FARS2: variants seen among roughly 807,000 people sequenced by gnomAD.
FARS2 encodes phenylalanyl-tRNA synthetase 2, mitochondrial, also known as phenylalanine--tRNA ligase, mitochondrial.
A neutral mutation model predicts 46.4 loss-of-function variants in FARS2; 40 were observed. The observed-to-expected ratio is 0.86, with a 90% confidence interval of 0.67 to 1.12. The LOEUF is 1.12. FARS2 is among the 50% of genes most tolerant of loss of function. The pLI is 0.00. For missense variants in FARS2, 513 were observed against 567.9 expected (o/e 0.90, Z 0.98); for synonymous variants, 234 against 214.9 (o/e 1.09, Z -0.78).
chr6:5,766,261 A>G (rs996322445), intron 6 of FARS2, among the ~76,000 whole-genome samples: 5 of 152,128 alleles, frequency 3.3e-5, no homozygotes, highest in Non-Finnish European at 4.4e-5. Context: ...TTGGGGGAGG[A>G]CAGTAGCAAC....
chr6:5,264,495 C>CT (rs776344380), intron 1 of FARS2, among the ~76,000 whole-genome samples: 226 of 139,012 alleles, frequency 1.6e-3, no homozygotes, highest in East Asian at 7.7e-3. Context: ...TTTCTTTTTT[C>CT]TTTTTTTTTT....
chr6:5,503,373 AACACACACAC>A (rs72295741), intron 4 of FARS2, among the ~76,000 whole-genome samples: 2 of 136,318 alleles, frequency 1.5e-5, no homozygotes, highest in East Asian at 2.3e-4. Flanking sequence ...AGGTATTCTT[AACACACACAC>A]ACACACACAC....
intron 1 of FARS2, among the ~76,000 whole-genome samples, chr6:5,312,166 C>T (rs1769122575): frequency 6.6e-6 from 1 of 152,184 alleles, no homozygotes; most frequent in Non-Finnish European, 1.5e-5. Flanking sequence ...ATGAATTAAG[C>T]TGCAGTCCTT....
chr6:5,719,249 G>A (rs1042104262), intron 6 of FARS2, among the ~76,000 whole-genome samples: 11 of 151,946 alleles, frequency 7.2e-5, no homozygotes, highest in African/African-American at 2.4e-4. Flanking sequence ...TGGGTCTGGA[G>A]GCACACACCT....
intron 5 of FARS2, among the ~76,000 whole-genome samples, chr6:5,549,753 G>A (rs1771261274): frequency 6.6e-6 from 1 of 152,152 alleles, no homozygotes. Context: ...CTAGGTTACA[G>A]GGATTAGGAC....
intron 6 of FARS2, among the ~76,000 whole-genome samples, chr6:5,741,373 C>T (rs1019996186): frequency 5.9e-5 from 9 of 152,122 alleles, no homozygotes; most frequent in African/African-American, 1.9e-4. Context: ...CCTATGATGC[C>T]GTGTCTTTCC....
chr6:5,689,376 C>T (rs1452550642), intron 6 of FARS2, among the ~76,000 whole-genome samples: 9 of 152,070 alleles, frequency 5.9e-5, no homozygotes, highest in East Asian at 3.9e-4. Context: ...TTGAATGCGT[C>T]CCAGAGATTC....
At position 5,484,829 on chromosome 6, in the gene FARS2, TC is replaced by T. The variant is rs1351458523; in HGVS notation, c.904+53659del. On this transcript the variant is annotated intron_variant, in intron 4 of 6. Coordinates refer to ENST00000274680, the MANE Select transcript of FARS2 (RefSeq NM_006567.5). ...CTCTGTTGTTGCTGAGAGAATGGTATCCTTAGTGCGTGCAGCTGAAGGCCAG... is the reference window on the plus strand; with the variant it reads ...CTCTGTTGTTGCTGAGAGAATGGTATCTTAGTGCGTGCAGCTGAAGGCCAG... Among the ~76,000 whole-genome samples the T allele has an allele frequency of 3.9e-5, 6 of 152,286 alleles. No homozygotes were observed. In the East Asian group the frequency reaches 1.2e-3, roughly 29 times the overall value.
rs1433179139 is a variant in FARS2 at position 5,743,133 on chromosome 6, G to A, written c.1218-28158G>A. 3.9e-5 allele frequency among the ~76,000 whole-genome samples: 6 copies of A among 152,174 alleles called. No individual in the cohort carries two copies. The South Asian group carries it at 8.3e-4, about 21-fold the overall frequency. On this transcript the variant is annotated intron_variant, in intron 6 of 6. Coordinates refer to ENST00000274680, the MANE Select transcript of FARS2 (RefSeq NM_006567.5). ...TGAATTTTGAAAATCCCTCCCGGCT[G>A]TCATCTCAAGCTCTCTTGGGAACCT... is the stretch of plus-strand genomic sequence containing the variant.
intron 6 of FARS2, among the ~76,000 whole-genome samples, chr6:5,660,979 T>G (rs967370165): frequency 2.0e-5 from 3 of 152,240 alleles, no homozygotes; most frequent in African/African-American, 7.2e-5. Flanking sequence ...TTCAAAAACA[T>G]GACTCTGGCT....
At chr6:5,568,834 C>G (rs905081604) in intron 5 of FARS2, among the ~76,000 whole-genome samples, 3 of 152,130 alleles carry the variant, frequency 2.0e-5, no homozygotes, top group Non-Finnish European at 4.4e-5. Context: ...GGAGCCCACT[C>G]GAGGCCCGGC....
intron 5 of FARS2, among the ~76,000 whole-genome samples, chr6:5,591,061 A>G (rs916009936): frequency 2.6e-5 from 4 of 152,228 alleles, no homozygotes; most frequent in Non-Finnish European, 5.9e-5. Context: ...GTGCAACATT[A>G]CACTTTCACA....
chr6:5,356,887 A>G (rs970220126), intron 1 of FARS2, among the ~76,000 whole-genome samples: 2 of 151,838 alleles, frequency 1.3e-5, no homozygotes, highest in African/African-American at 4.8e-5. Context: ...GATTTTGTGT[A>G]TTGCTAATCC....
intron 6 of FARS2, among the ~76,000 whole-genome samples, chr6:5,652,829 G>T (rs1777434273): frequency 6.6e-6 from 1 of 152,238 alleles, no homozygotes; most frequent in Non-Finnish European, 1.5e-5. Flanking sequence ...CGCTAGCAAA[G>T]GTGCCCTCCT....
At chr6:5,406,619 C>T (rs995621244) in intron 3 of FARS2, among the ~76,000 whole-genome samples, 2 of 152,058 alleles carry the variant, frequency 1.3e-5, no homozygotes, top group African/African-American at 4.8e-5. Context: ...GTAGTTGATT[C>T]CTTTTGTTAA....
intron 4 of FARS2, among the ~76,000 whole-genome samples, chr6:5,481,741 A>C (rs191339882): frequency 6.6e-6 from 1 of 151,658 alleles, no homozygotes; most frequent in African/African-American, 2.4e-5. Flanking sequence ...TTTCCCTGGG[A>C]ATTTGGGGTG....
chr6:5,620,668 C>T (rs1775724099), intron 6 of FARS2, among the ~76,000 whole-genome samples: 1 of 152,238 alleles, frequency 6.6e-6, no homozygotes, highest in Non-Finnish European at 1.5e-5. Flanking sequence ...GAATACCCCA[C>T]CTGGGCCCCG....
rs73718085 is a variant in FARS2, at chr6:5,376,365, A to C, written c.612+7183A>C. On this transcript the variant is annotated intron_variant, in intron 2 of 6. Coordinates refer to ENST00000274680, the MANE Select transcript of FARS2 (RefSeq NM_006567.5). The stretch of plus-strand genomic sequence containing the variant: ...ATGATTCCAAACTCAGCAGATTAGC[A>C]AAATTTGATAATCCTCACAATACCA... Among the ~76,000 whole-genome samples, 695 of 152,324 alleles carry C rather than the reference A, an allele frequency of 4.6e-3. 4 individuals are homozygous for C. The highest frequency in any genetic ancestry group is 0.016 in the African/African-American group (662 of 41,574).
intron 5 of FARS2, among the ~76,000 whole-genome samples, chr6:5,601,464 C>T (rs752271223): frequency 3.6e-4 from 49 of 135,490 alleles, no homozygotes; most frequent in South Asian, 2.4e-4. Context: ...GCAGAGGTTG[C>T]GGTGAGCCAA....
Sources: gnomAD v4.1 joint callset for allele counts (sites outside exome capture counted in the v4.1 genomes callset) on GRCh38, gnomAD v4.1.1 for gene constraint, MANE v1.5 for transcripts, NCBI Gene and HGNC (gene_info 2026-07-23, HGNC 2026-07-21) for gene names.